Variants in NRXN3 observed in about 807,000 individuals in gnomAD.
The protein encoded by NRXN3 is neurexin 3.
NRXN3 carries 32 observed loss-of-function variants against 137.6 expected under a neutral mutation model. The ratio of observed to expected loss-of-function variants is 0.23; its 90% confidence interval spans 0.18 to 0.31. NRXN3 has a LOEUF of 0.31. Ranked by LOEUF, NRXN3 falls within the 10% of genes least tolerant of loss-of-function variation. The pLI is 1.00. For missense variants in NRXN3, 1,574 were observed against 2,062.5 expected (o/e 0.76, Z 4.59); for synonymous variants, 798 against 784.5 (o/e 1.02, Z -0.29).
At chr14:79,573,682 T>G (rs1226650031) in intron 16 of NRXN3, among the ~76,000 whole-genome samples, 1 of 152,116 alleles carries the variant, frequency 6.6e-6, no homozygotes, top group African/African-American at 2.4e-5. Context: ...TCTACTGTTC[T>G]CAGCTGCTGT....
chr14:78,781,712 G>T (rs1485491174), intron 8 of NRXN3, among the ~76,000 whole-genome samples: 1 of 152,062 alleles, frequency 6.6e-6, no homozygotes, highest in African/African-American at 2.4e-5. Flanking sequence ...GGGACATAAA[G>T]AATAAAAATG....
intron 10 of NRXN3, among the ~76,000 whole-genome samples, chr14:78,938,849 T>TTTTTTTTTTTTTTTCTTTTTTC (rs1555602941): frequency 7.5e-6 from 1 of 134,086 alleles, no homozygotes; most frequent in African/African-American, 3.0e-5. Context: ...GTGATTTTTC[T>TTTTTTTTTTTTTTTCTTTTTTC]TTTTTTTTTT....
intron 4 of NRXN3, among the ~76,000 whole-genome samples, chr14:78,372,922 C>G (rs956219867): frequency 2.6e-5 from 4 of 152,142 alleles, no homozygotes; most frequent in African/African-American, 9.7e-5. Context: ...TAGAAGAAGA[C>G]AGTTGTCACT....
intron 10 of NRXN3, among the ~76,000 whole-genome samples, chr14:78,925,597 T>A (rs2099286110): frequency 6.6e-6 from 1 of 152,208 alleles, no homozygotes; most frequent in South Asian, 2.1e-4. Context: ...GAAAGGAACG[T>A]GCCAATTATA....
intron 9 of NRXN3, among the ~76,000 whole-genome samples, chr14:78,805,269 T>C (rs1455525897): frequency 6.6e-6 from 1 of 152,174 alleles, no homozygotes; most frequent in Non-Finnish European, 1.5e-5. Context: ...TTTCTTTTGT[T>C]TGTGTATTGT....
At chr14:78,225,451 G>T (rs2064421704) in intron 1 of NRXN3, among the ~76,000 whole-genome samples, 2 of 151,460 alleles carry the variant, frequency 1.3e-5, no homozygotes, top group Admixed American at 1.3e-4. Flanking sequence ...GGGGTTGTTT[G>T]TTTTTTTCTT....
chr14:78,192,486 A>G (rs941782557), intron 1 of NRXN3, among the ~76,000 whole-genome samples: 1 of 152,196 alleles, frequency 6.6e-6, no homozygotes, highest in Admixed American at 6.5e-5. Context: ...ATTCAATTCA[A>G]CAAATCTTTA....
At chr14:79,698,053 G>A (rs757540897) in intron 19 of NRXN3, 116 bp downstream of exon 19, 2 of 920,978 alleles carry the variant, frequency 2.2e-6, no homozygotes, top group Non-Finnish European at 3.2e-6. Context: ...AAGGATGCTG[G>A]CAGATACTCA....
intron 20 of NRXN3, among the ~76,000 whole-genome samples, chr14:79,852,053 A>G (rs958875560): frequency 6.6e-6 from 1 of 151,942 alleles, no homozygotes; most frequent in Admixed American, 6.6e-5. Context: ...GTGCTCTGTC[A>G]CTTTGACTAA....
intron 1 of NRXN3, among the ~76,000 whole-genome samples, chr14:78,209,651 A>C (rs538766827): frequency 6.6e-6 from 1 of 152,124 alleles, no homozygotes; most frequent in African/African-American, 2.4e-5. Flanking sequence ...TACCACGAGA[A>C]CAGCATAGGG....
intron 19 of NRXN3, among the ~76,000 whole-genome samples, chr14:79,725,434 C>T (rs1400362910): frequency 1.3e-5 from 2 of 152,118 alleles, no homozygotes; most frequent in African/African-American, 4.8e-5. Flanking sequence ...TTCTCTCAGT[C>T]AAGCACATGG....
intron 15 of NRXN3, among the ~76,000 whole-genome samples, chr14:79,130,538 C>G (rs934654794): frequency 1.3e-5 from 2 of 151,858 alleles, no homozygotes; most frequent in Non-Finnish European, 2.9e-5. Context: ...GAGTTTCTGC[C>G]GAGAGATCAG....
At chr14:78,659,729 A>G (rs1602025714) in intron 6 of NRXN3, among the ~76,000 whole-genome samples, 4 of 152,174 alleles carry the variant, frequency 2.6e-5, no homozygotes, top group Admixed American at 2.6e-4. Flanking sequence ...AAAAAAAAAA[A>G]AAAGTCAAAT....
rs550617491 is a variant in NRXN3 at position 79,629,076 on chromosome 14, C to A, written c.3445-34702C>A. Among the ~76,000 whole-genome samples the A allele has an allele frequency of 1.1e-4, 16 of 152,172 alleles. 1 individual carries two copies. The highest frequency in any genetic ancestry group is 3.9e-4 in the African/African-American group (16 of 41,524). On this transcript the variant is annotated intron_variant, in intron 16 of 20. Coordinates refer to ENST00000335750, the MANE Select transcript of NRXN3 (RefSeq NM_001330195.2). ...TTTTTCCTCTGGAATTTTTGAGAAG[C>A]AATAGAAATCCAGAGCATTTAAAGG... is the stretch of plus-strand genomic sequence containing the variant.
At chr14:79,511,160 C>T (rs554022364) in intron 16 of NRXN3, among the ~76,000 whole-genome samples, 2 of 152,296 alleles carry the variant, frequency 1.3e-5, no homozygotes, top group African/African-American at 2.4e-5. Flanking sequence ...ATCACTTTAC[C>T]TCCCTTGGCA....
At chr14:79,772,529 G>A (rs1410382579) in intron 19 of NRXN3, among the ~76,000 whole-genome samples, 1 of 152,158 alleles carries the variant, frequency 6.6e-6, no homozygotes, top group African/African-American at 2.4e-5. Context: ...AATGGGGAAA[G>A]GATTCCCTAT....
intron 20 of NRXN3, among the ~76,000 whole-genome samples, chr14:79,832,316 A>G (rs994351519): frequency 1.3e-5 from 2 of 152,188 alleles, no homozygotes; most frequent in African/African-American, 4.8e-5. Flanking sequence ...GAGACACACT[A>G]AAGGAATTAC....
At chr14:79,025,280 G>A (rs1366792903) in intron 15 of NRXN3, among the ~76,000 whole-genome samples, 1 of 152,120 alleles carries the variant, frequency 6.6e-6, no homozygotes, top group Non-Finnish European at 1.5e-5. Flanking sequence ...TATGCACTGT[G>A]ATTGGATAGT....
At chr14:78,550,649 G>C (rs551455369) in intron 4 of NRXN3, among the ~76,000 whole-genome samples, 69 of 152,260 alleles carry the variant, frequency 4.5e-4, no homozygotes, top group African/African-American at 1.6e-3. Context: ...TAAGGGACTG[G>C]AAGCTCTGCC....
Sources: allele counts gnomAD v4.1 joint callset (sites outside exome capture counted in the v4.1 genomes callset), GRCh38; gene constraint gnomAD v4.1.1; transcripts MANE v1.5; gene names NCBI Gene and HGNC (gene_info 2026-07-23, HGNC 2026-07-21).